PRRC1: variants seen among roughly 807,000 people sequenced by gnomAD.
PRRC1 encodes protein PRRC1.
In PRRC1, 39 loss-of-function variants were observed where a neutral mutation model predicts 40.7. The ratio of observed to expected loss-of-function variants is 0.96; its 90% CI spans 0.74 to 1.25. The LOEUF (loss-of-function observed/expected upper bound fraction) is 1.25, where lower values mean the gene tolerates loss of function less well. Ranked by LOEUF, PRRC1 falls within the 50% of genes most tolerant of loss-of-function variation. The pLI, the probability that PRRC1 is intolerant of heterozygous loss-of-function variation, is 0.00. For synonymous variants in PRRC1, 175 were observed against 193.3 expected (o/e 0.91, Z 0.79); for missense variants, 573 against 548.3 (o/e 1.05, Z -0.45).
intron 7 of PRRC1, 33 bp from the exon 8 acceptor site, chr5:127,547,786 A>T: frequency 6.8e-7 from 1 of 1,461,150 alleles, no homozygotes; most frequent in Non-Finnish European, 9.6e-7. Context: ...TATTTGGCAT[A>T]TAAACCATTT....
chr5:127,518,409 T>C (rs1767372013), intron 1 of PRRC1, among the ~76,000 whole-genome samples: 1 of 152,264 alleles, frequency 6.6e-6, no homozygotes. Context: ...AATTTGCAGA[T>C]AGCACGTTTC....
At chr5:127,547,743 T>A (rs1180342923) in intron 7 of PRRC1, 76 bp from the exon 8 acceptor site, 2 of 952,012 alleles carry the variant, frequency 2.1e-6, no homozygotes. Flanking sequence ...TAATAGTACT[T>A]GTTTTTTCTT....
rs146637545 is a variant in PRRC1 at position 127,553,590 on chromosome 5, G to GACA, written c.*1681_*1683dup. On this transcript the variant is annotated 3_prime_UTR_variant, in exon 9 of 9. Transcript: ENST00000296666. ...TATTTTATCATGGCAATGGCATGAT[G>GACA]ACAACAACAGTCTTTCATTACAGAC... 3.7e-3 allele frequency: 4,917 copies of GACA among 1,312,716 alleles called. 167 individuals carry two copies. In the African/African-American group the frequency reaches 0.068, roughly 18 times the overall value. 81.3% of individuals were successfully genotyped at this position (1,312,716 alleles called of 1,614,324 possible).
Position 127,553,277 on chromosome 5 carries a change from TTGG to T in PRRC1, c.*1363_*1365del. On this transcript the variant is annotated 3_prime_UTR_variant, in exon 9 of 9. Transcript: ENST00000296666. ...TGTTAATGCCACTTCAAGTCATTAT[TTGG>T]TTTCTGCTATTTTTTTACCTGAGGA... The T allele has an allele frequency of 1.0e-6, 1 of 987,122 alleles. No homozygotes were observed. Among genetic ancestry groups the T allele is most frequent in the Non-Finnish European group, 1.2e-6 (1 of 831,226 alleles). 61.1% of individuals were successfully genotyped at this position (987,122 alleles called of 1,614,324 possible).
chr5:127,523,625 GA>G (rs1767525242), intron 2 of PRRC1, 43 bp downstream of exon 2: 1 of 1,191,012 alleles, frequency 8.4e-7, no homozygotes, highest in Non-Finnish European at 1.2e-6. Context: ...TGAGAATAGT[GA>G]AGATACTATC....
At chr5:127,524,404 T>A in intron 2 of PRRC1, 127 bp from the exon 3 acceptor site, 1 of 842,420 alleles carries the variant, frequency 1.2e-6, no homozygotes, top group Non-Finnish European at 1.8e-6. Context: ...TTACACATTT[T>A]AAAATAATTC....
At chr5:127,544,945 A>G (rs968929801) in intron 7 of PRRC1, among the ~76,000 whole-genome samples, 1 of 152,180 alleles carries the variant, frequency 6.6e-6, no homozygotes, top group Admixed American at 6.5e-5. Flanking sequence ...CCTCAGATGG[A>G]AATGCAGAAA....
chr5:127,534,347 A>G (rs1232533435), intron 6 of PRRC1, among the ~76,000 whole-genome samples: 2 of 152,048 alleles, frequency 1.3e-5, no homozygotes, highest in Non-Finnish European at 1.5e-5. Context: ...TTAATGACCT[A>G]TTTTGCTTCC....
intron 5 of PRRC1, among the ~76,000 whole-genome samples, chr5:127,530,717 C>A (rs1002002259): frequency 2.0e-5 from 3 of 150,398 alleles, no homozygotes; most frequent in Non-Finnish European, 3.0e-5. Context: ...TTATTCACTA[C>A]TGACATTTGA....
rs1439326653 is a variant in PRRC1, at chr5:127,552,934, C to CA, written c.*1020dup. 15 of 893,338 alleles carry CA rather than the reference C, an allele frequency of 1.7e-5. No homozygotes were observed. The African/African-American group carries it at 2.7e-4, about 16-fold the overall frequency. 55.3% of individuals were successfully genotyped at this position (893,338 alleles called of 1,614,324 possible). A position where few individuals can be genotyped will look rare whatever the true frequency, so the allele number is the denominator to read the frequency against. On this transcript the variant is annotated 3_prime_UTR_variant, in exon 9 of 9. Coordinates refer to ENST00000296666, the MANE Select transcript of PRRC1 (RefSeq NM_130809.5). ...GTTTTCAAAGAAACTATTTTATATT[C>CA]AATCTAGTTTATTTAGTCTACTGTA...
intron 4 of PRRC1, among the ~76,000 whole-genome samples, chr5:127,529,415 G>A (rs946345668): frequency 6.6e-6 from 1 of 152,056 alleles, no homozygotes; most frequent in Non-Finnish European, 1.5e-5. Context: ...GCATGTGTCA[G>A]TGTGTTTGTC....
chr5:127,535,228 C>G (rs1158354755), intron 6 of PRRC1, among the ~76,000 whole-genome samples: 1 of 152,206 alleles, frequency 6.6e-6, no homozygotes, highest in Non-Finnish European at 1.5e-5. Context: ...TGAACTCTCA[C>G]AGTCAACAGT....
At chr5:127,544,961 C>T (rs927411467) in intron 7 of PRRC1, among the ~76,000 whole-genome samples, 1 of 152,206 alleles carries the variant, frequency 6.6e-6, no homozygotes, top group African/African-American at 2.4e-5. Flanking sequence ...AGAAATCACC[C>T]GTCTTCTGCG....
Position 127,554,142 on chromosome 5 carries a change from G to C in PRRC1, c.*2226G>C, listed in dbSNP as rs1046042450. Reference sequence around the variant, plus strand: ...TAACACACCATGGCAGCTTAGCCAGGTAGTCTTAGTGGTGGTGTTTAGGCA... The same window carrying C: ...TAACACACCATGGCAGCTTAGCCAGCTAGTCTTAGTGGTGGTGTTTAGGCA... On this transcript the variant is annotated 3_prime_UTR_variant, in exon 9 of 9. Transcript: ENST00000296666. 2.8e-6 allele frequency: 1 copy of C among 362,374 alleles called. No homozygotes were observed. Among genetic ancestry groups the C allele is most frequent in the East Asian group, 5.5e-5 (1 of 18,336 alleles). The allele number at this position is 362,374 out of a possible 1,614,324, so 22.4% of individuals were successfully genotyped here. A position where few individuals can be genotyped will look rare whatever the true frequency, so the allele number is the denominator to read the frequency against.
chr5:127,519,626 T>C (rs1459108379), intron 1 of PRRC1, among the ~76,000 whole-genome samples: 1 of 152,214 alleles, frequency 6.6e-6, no homozygotes, highest in African/African-American at 2.4e-5. Context: ...TCTTATTCTC[T>C]GCAAACTTGT....
Position 127,526,753 on chromosome 5 carries a change from C to T in PRRC1, c.629C>T (p.Ala210Val), listed in dbSNP as rs779548182. 1 of 1,607,114 alleles carries T rather than the reference C, an allele frequency of 6.2e-7. No homozygotes were observed. The highest frequency in any genetic ancestry group is 8.5e-7 in the Non-Finnish European group (1 of 1,176,860). Residue 210 changes from alanine to valine, a missense_variant, in exon 4 of 9, where the codon GCT (alanine) becomes GTT (valine). Ala to Val is a moderately conservative substitution (Grantham distance 64, BLOSUM62 0). Coordinates refer to ENST00000296666, the MANE Select transcript of PRRC1 (RefSeq NM_130809.5). ...ACTAGAGGTCAGGATGAAGCATCTG[C>T]TGGTGGAATCTGGGGTTTTATTAAG... Reference protein sequence around the residue: ...RITRGQDEASAGGIWGFIKGV... With the variant: ...RITRGQDEASVGGIWGFIKGV...
intron 3 of PRRC1, among the ~76,000 whole-genome samples, chr5:127,525,622 T>G (rs1767597301): frequency 6.6e-6 from 1 of 152,224 alleles, no homozygotes; most frequent in Non-Finnish European, 1.5e-5. Context: ...TTATTAGCAG[T>G]GGGCGGGGTC....
Position 127,523,558 on chromosome 5 carries a change from A to C in PRRC1, c.79A>C (p.Met27Leu). ...PNPAGLAATA[M>L]SSTPVPLAAT... is the part of the protein sequence containing the mutation. ...TCCTGCAGGGCTGGCTGCTACTGCTATGTCTTCTACCCCTGTTCCATTAGG... is the reference window on the plus strand; with the variant it reads ...TCCTGCAGGGCTGGCTGCTACTGCTCTGTCTTCTACCCCTGTTCCATTAGG... Residue 27 changes from methionine to leucine, a missense_variant, in exon 2 of 9, where the codon ATG (methionine) becomes CTG (leucine). Met to Leu is a conservative substitution (Grantham distance 15). Coordinates refer to ENST00000296666, the MANE Select transcript of PRRC1 (RefSeq NM_130809.5). 10 of 1,612,672 alleles carry C rather than the reference A, an allele frequency of 6.2e-6. No homozygotes were observed. Among genetic ancestry groups the C allele is most frequent in the Non-Finnish European group, 8.5e-6 (10 of 1,179,348 alleles).
Position 127,551,928 on chromosome 5 carries a change from C to CCTGGG in PRRC1, c.*13_*17dup. The CCTGGG allele has an allele frequency of 6.2e-7, 1 of 1,613,604 alleles. No homozygotes were observed. Among genetic ancestry groups the CCTGGG allele is most frequent in the South Asian group, 1.1e-5 (1 of 91,062 alleles). On this transcript the variant is annotated 3_prime_UTR_variant, in exon 9 of 9. Coordinates refer to ENST00000296666, the MANE Select transcript of PRRC1 (RefSeq NM_130809.5). ...CCAGGACAGTGTGAGAGGAGACCTA[C>CCTGGG]CTGGGAGACTGAGACTTTCCCCCAC...
Sources: gnomAD v4.1 joint callset for allele counts (sites outside exome capture counted in the v4.1 genomes callset) on GRCh38, gnomAD v4.1.1 for gene constraint, MANE v1.5 for transcripts, NCBI Gene and HGNC (gene_info 2026-07-23, HGNC 2026-07-21) for gene names.